The following ACADSB variants were observed in gnomAD, a reference collection of about 807,000 sequenced individuals.
ACADSB encodes the protein short/branched chain specific acyl-CoA dehydrogenase, mitochondrial.
ACADSB carries 40 observed loss-of-function variants against 54.1 expected under a neutral mutation model. The observed-to-expected ratio is 0.74, with a 90% CI of 0.57 to 0.96. The LOEUF is 0.96. ACADSB is among the 40% of genes least tolerant of loss of function. ACADSB has a pLI of 0.00. For missense variants in ACADSB, 530 were observed against 510.4 expected, an observed-to-expected ratio of 1.04 and a Z score of -0.37; for synonymous variants, 182 against 182.8, an observed-to-expected ratio of 1.00 and a Z score of 0.03.
intron 1 of ACADSB, among the ~76,000 whole-genome samples, chr10:123,029,612 C>G (rs944617551): frequency 3.3e-5 from 5 of 152,200 alleles, no homozygotes; most frequent in African/African-American, 1.2e-4. Flanking sequence ...CAAGATTTGT[C>G]CATGTTGATC....
intron 1 of ACADSB, among the ~76,000 whole-genome samples, chr10:123,031,680 C>T (rs1850329222): frequency 6.6e-6 from 1 of 152,144 alleles, no homozygotes; most frequent in South Asian, 2.1e-4. Context: ...TAGGTAATAT[C>T]TCTCAATGCT....
intron 1 of ACADSB, among the ~76,000 whole-genome samples, chr10:123,010,636 C>T (rs919542431): frequency 4.6e-5 from 7 of 151,986 alleles, no homozygotes; most frequent in East Asian, 1.9e-4. Flanking sequence ...AATAATTGTG[C>T]GTATTCCAAA....
chr10:123,034,279 A>G (rs1262248403), intron 1 of ACADSB, 77 bp from the exon 2 acceptor site: 3 of 1,473,442 alleles, frequency 2.0e-6, no homozygotes, highest in Non-Finnish European at 2.8e-6. Context: ...CATGAAATAT[A>G]AGAATGGGTT....
chr10:123,028,220 A>T (rs1218040164), intron 1 of ACADSB, among the ~76,000 whole-genome samples: 2 of 150,236 alleles, frequency 1.3e-5, no homozygotes, highest in African/African-American at 2.4e-5. Context: ...ACACTAATAG[A>T]TTAGTTGGTA....
intron 7 of ACADSB, among the ~76,000 whole-genome samples, chr10:123,045,158 TATATATATATATA>T (rs1177130886): frequency 0.022 from 338 of 15,470 alleles, 3 homozygotes; most frequent in Non-Finnish European, 0.03. Context: ...TATATATATA[TATATATATATATA>T]TTTTTTTTTT....
intron 5 of ACADSB, among the ~76,000 whole-genome samples, chr10:123,042,180 G>C (rs933443829): frequency 6.6e-6 from 1 of 151,852 alleles, no homozygotes; most frequent in African/African-American, 2.4e-5. Flanking sequence ...TGGCCAGGCT[G>C]GTCTCAAACT....
At chr10:123,053,587 G>A in intron 10 of ACADSB, 108 bp from the exon 11 acceptor site, 1 of 916,034 alleles carries the variant, frequency 1.1e-6, no homozygotes, top group Non-Finnish European at 1.8e-6. Flanking sequence ...GAAGTGATGT[G>A]ACTAGTAACT....
chr10:123,021,936 C>T (rs1589733530), intron 1 of ACADSB, among the ~76,000 whole-genome samples: 1 of 151,954 alleles, frequency 6.6e-6, no homozygotes, highest in East Asian at 1.9e-4. Context: ...CTTAGGGCCT[C>T]TCATGTGTGC....
chr10:123,016,906 A>C (rs530349462), intron 1 of ACADSB, among the ~76,000 whole-genome samples: 78 of 152,332 alleles, frequency 5.1e-4, no homozygotes, highest in African/African-American at 1.6e-3. Flanking sequence ...AGTGCAAGAC[A>C]TGGCAGGGCC....
intron 4 of ACADSB, 50 bp from the exon 5 acceptor site, chr10:123,041,159 A>C: frequency 1.3e-6 from 2 of 1,559,668 alleles, no homozygotes; most frequent in Non-Finnish European, 1.8e-6. Context: ...TTTGTTATAC[A>C]GAGTATAAAT....
In ACADSB at chr10:123,052,424, C is replaced by T. The variant is rs1850644764; in HGVS notation, c.1129-637C>T. Reference sequence around the variant, plus strand: ...GCTTCCTGTCTCCATGGTCACGTCACCTTCCATGACTAACTCTCCTGCCTC... The same window carrying T: ...GCTTCCTGTCTCCATGGTCACGTCATCTTCCATGACTAACTCTCCTGCCTC... On this transcript the variant is annotated intron_variant, in intron 9 of 10. Coordinates refer to ENST00000358776, the MANE Select transcript of ACADSB (RefSeq NM_001609.4). This position sits in a 1 kb window ranked among gnomAD's most constrained non-coding sequence, Gnocchi z 4.2. Among the ~76,000 whole-genome samples the T allele has an allele frequency of 6.6e-6, 1 of 152,184 alleles. No individual in the cohort carries two copies. The highest frequency in any genetic ancestry group is 2.4e-5 in the African/African-American group (1 of 41,458).
intron 3 of ACADSB, among the ~76,000 whole-genome samples, chr10:123,040,215 A>T (rs965770640): frequency 1.3e-5 from 2 of 150,610 alleles, no homozygotes; most frequent in Non-Finnish European, 3.0e-5. Flanking sequence ...GCTGGGTGTG[A>T]TGGTGGGCAC....
chr10:123,022,716 C>T (rs896565209), intron 1 of ACADSB, among the ~76,000 whole-genome samples: 2 of 130,522 alleles, frequency 1.5e-5, no homozygotes, highest in African/African-American at 2.6e-5. Flanking sequence ...CAAGGATATC[C>T]TTAGTAACCT....
intron 1 of ACADSB, among the ~76,000 whole-genome samples, chr10:123,010,497 T>C (rs926265450): frequency 5.3e-5 from 8 of 152,220 alleles, no homozygotes; most frequent in Non-Finnish European, 1.2e-4. Flanking sequence ...GACTGTAGCA[T>C]AGTGGTTAAG....
intron 5 of ACADSB, among the ~76,000 whole-genome samples, chr10:123,041,750 A>C (rs1850477124): frequency 6.6e-6 from 1 of 152,200 alleles, no homozygotes; most frequent in African/African-American, 2.4e-5. Flanking sequence ...GGTATCAGAT[A>C]ATCTAGAGAT....
intron 2 of ACADSB, among the ~76,000 whole-genome samples, chr10:123,035,600 G>A (rs187357311): frequency 1.3e-5 from 2 of 152,306 alleles, no homozygotes; most frequent in East Asian, 3.9e-4. Flanking sequence ...AGCAAGTCCA[G>A]GCGCAGGGTC....
At chr10:123,044,345 A>T (rs887720607) in intron 6 of ACADSB, 48 bp from the exon 7 acceptor site, 3 of 1,459,130 alleles carry the variant, frequency 2.1e-6, no homozygotes, top group Non-Finnish European at 2.9e-6. Flanking sequence ...AATCAAAATG[A>T]ATCATGGAAA....
At chr10:123,029,863 G>C (rs1013755973) in intron 1 of ACADSB, among the ~76,000 whole-genome samples, 3 of 152,162 alleles carry the variant, frequency 2.0e-5, no homozygotes, top group African/African-American at 7.2e-5. Context: ...CATAGACTGG[G>C]TGCTTATAAA....
At chr10:123,016,718 G>A (rs562717466) in intron 1 of ACADSB, among the ~76,000 whole-genome samples, 2 of 152,324 alleles carry the variant, frequency 1.3e-5, no homozygotes, top group South Asian at 4.2e-4. Flanking sequence ...CTGGGTAAAT[G>A]TTGAGAAGCA....
Sources: allele counts gnomAD v4.1 joint callset (sites outside exome capture counted in the v4.1 genomes callset), GRCh38; gene constraint gnomAD v4.1.1; non-coding constraint Gnocchi (gnomAD v3.1); transcripts MANE v1.5; gene names NCBI Gene and HGNC (gene_info 2026-07-23, HGNC 2026-07-21).